SPMIP3: variants seen among roughly 807,000 people sequenced by gnomAD.
SPMIP3 encodes the protein protein SPMIP3.
the SPMIP3 span, among the ~76,000 whole-genome samples, chr1:244,380,137 T>C: frequency 1.9e-5 from 2 of 105,060 alleles, no homozygotes; most frequent in Non-Finnish European, 4.2e-5. Context: ...TTTTTTTTTT[T>C]TTTTTTTTTG....
the SPMIP3 span, among the ~76,000 whole-genome samples, chr1:244,381,515 T>C: frequency 1.3e-5 from 2 of 152,208 alleles, no homozygotes; most frequent in East Asian, 3.8e-4. Context: ...ACTCACCACC[T>C]GCTATGTATT....
At chr1:244,355,548 T>C in the SPMIP3 span, among the ~76,000 whole-genome samples, 1 of 151,976 alleles carries the variant, frequency 6.6e-6, no homozygotes, top group Admixed American at 6.6e-5. Context: ...CCACCACGCC[T>C]GGCTAATTTT....
chr1:244,375,078 A>T, the SPMIP3 span: 5 of 191,314 alleles, frequency 2.6e-5, no homozygotes, highest in Non-Finnish European at 5.3e-5. Context: ...AATACCTGAT[A>T]TGTTACATAT....
chr1:244,358,329 A>G, the SPMIP3 span, among the ~76,000 whole-genome samples: 1 of 152,038 alleles, frequency 6.6e-6, no homozygotes, highest in East Asian at 1.9e-4. Context: ...CACACCTGTA[A>G]TCCCAGCACT....
At chr1:244,354,354 A>ATTTTTTTTTTTT in the SPMIP3 span, among the ~76,000 whole-genome samples, 1 of 107,222 alleles carries the variant, frequency 9.3e-6, no homozygotes. Flanking sequence ...CCAAACTTTG[A>ATTTTTTTTTTTT]TTTTTTTTTT....
At chr1:244,381,484 A>G in the SPMIP3 span, among the ~76,000 whole-genome samples, 58,094 of 152,126 alleles carry the variant, frequency 0.38, 11,625 homozygotes, top group Non-Finnish European at 0.42. Flanking sequence ...AGCTAAATAA[A>G]TTTTAGCAAA....
chr1:244,373,335 TA>T, the SPMIP3 span, among the ~76,000 whole-genome samples: 1,471 of 120,256 alleles, frequency 0.012, 214 homozygotes, highest in African/African-American at 0.05. Context: ...AAAAAAATTA[TA>T]TATATATATA....
the SPMIP3 span, among the ~76,000 whole-genome samples, chr1:244,356,979 G>C: frequency 3.7e-5 from 5 of 136,902 alleles, no homozygotes; most frequent in African/African-American, 1.4e-4. Flanking sequence ...CTGGATTGCA[G>C]TGGCATCATT....
At chr1:244,371,313 G>T in the SPMIP3 span, among the ~76,000 whole-genome samples, 1 of 152,154 alleles carries the variant, frequency 6.6e-6, no homozygotes, top group Non-Finnish European at 1.5e-5. Flanking sequence ...GCCCTGAGCT[G>T]GGCTGGCCTC....
the SPMIP3 span, among the ~76,000 whole-genome samples, chr1:244,352,949 C>T: frequency 1.3e-5 from 2 of 152,228 alleles, no homozygotes; most frequent in East Asian, 1.9e-4. Flanking sequence ...TTTAACTCAA[C>T]GTGTCTTTTT....
the SPMIP3 span, among the ~76,000 whole-genome samples, chr1:244,371,685 G>GC: frequency 0.01 from 1,592 of 152,302 alleles, 29 homozygotes; most frequent in African/African-American, 0.035. Context: ...TCAAAACCCA[G>GC]CCCACCGCCC....
the SPMIP3 span, among the ~76,000 whole-genome samples, chr1:244,373,020 A>C: frequency 6.6e-6 from 1 of 152,112 alleles, no homozygotes; most frequent in South Asian, 2.1e-4. Flanking sequence ...GAGCTTCGTC[A>C]TGTCCCACAT....
chr1:244,367,991 T>C, the SPMIP3 span, among the ~76,000 whole-genome samples: 1 of 152,094 alleles, frequency 6.6e-6, no homozygotes, highest in African/African-American at 2.4e-5. Context: ...GACAAAGTCT[T>C]GCGCTGTCAC....
the SPMIP3 span, chr1:244,352,855 T>G: frequency 1.3e-5 from 2 of 152,198 alleles, no homozygotes; most frequent in Non-Finnish European, 2.9e-5. Flanking sequence ...ATAAAGAAAC[T>G]TCATGGCAAG....
the SPMIP3 span, among the ~76,000 whole-genome samples, chr1:244,374,580 CA>C: frequency 6.9e-6 from 1 of 144,496 alleles, no homozygotes. Context: ...CGGATTCCCA[CA>C]TTTCTCTTTT....
At chr1:244,371,019 C>A in the SPMIP3 span, among the ~76,000 whole-genome samples, 1 of 152,164 alleles carries the variant, frequency 6.6e-6, no homozygotes, top group Non-Finnish European at 1.5e-5. Flanking sequence ...GTCACAGGAA[C>A]ACAGGCTACC....
the SPMIP3 span, among the ~76,000 whole-genome samples, chr1:244,374,497 C>T: frequency 6.6e-6 from 1 of 151,982 alleles, no homozygotes; most frequent in African/African-American, 2.4e-5. Flanking sequence ...AATGAGCTCC[C>T]ATTTACCAAT....
At chr1:244,360,896 A>AAG in the SPMIP3 span, among the ~76,000 whole-genome samples, 3 of 151,530 alleles carry the variant, frequency 2.0e-5, no homozygotes, top group African/African-American at 7.3e-5. Context: ...AAAAAAAAAA[A>AAG]GCATTAAATC....
At chr1:244,358,768 C>A in the SPMIP3 span, among the ~76,000 whole-genome samples, 59,906 of 151,912 alleles carry the variant, frequency 0.39, 12,405 homozygotes, top group Middle Eastern at 0.49. Context: ...AAATAAAAAT[C>A]TTCAAAGATT....
Sources: allele counts gnomAD v4.1 joint callset (sites outside exome capture counted in the v4.1 genomes callset), GRCh38; gene constraint gnomAD v4.1.1; transcripts MANE v1.5; gene names NCBI Gene and HGNC (gene_info 2026-07-23, HGNC 2026-07-21).